Variants in CACNA1C observed in about 807,000 individuals in gnomAD.
CACNA1C encodes calcium voltage-gated channel subunit alpha1 C, also known as voltage-dependent L-type calcium channel subunit alpha-1C.
A neutral mutation model predicts 229.0 loss-of-function variants in CACNA1C; 30 were observed. The ratio of observed to expected loss-of-function variants is 0.13; its 90% CI spans 0.10 to 0.18. The LOEUF is 0.18. Among genes scored for constraint, CACNA1C ranks in the 10% least tolerant of loss-of-function variants. The pLI, the probability that CACNA1C is intolerant of heterozygous loss-of-function variation, is 1.00. For synonymous variants in CACNA1C, 1,114 were observed against 1,132.5 expected, an observed-to-expected ratio of 0.98 and a Z score of 0.33; for missense variants, 1,658 against 2,845.0, an observed-to-expected ratio of 0.58 and a Z score of 9.49.
intron 3 of CACNA1C, among the ~76,000 whole-genome samples, chr12:2,244,313 C>T (rs746586338): frequency 2.0e-5 from 3 of 152,188 alleles, no homozygotes; most frequent in African/African-American, 4.8e-5. Context: ...CCCAGGAATG[C>T]GGTGTTGACT....
intron 3 of CACNA1C, among the ~76,000 whole-genome samples, chr12:2,432,422 G>A (rs781021849): frequency 1.3e-5 from 2 of 152,220 alleles, no homozygotes; most frequent in African/African-American, 2.4e-5. Flanking sequence ...TGACCATCCT[G>A]ATCATCAGCC....
intron 43 of CACNA1C, among the ~76,000 whole-genome samples, chr12:2,684,126 G>T (rs780079920): frequency 1.3e-5 from 2 of 152,222 alleles, no homozygotes; most frequent in South Asian, 4.1e-4. Flanking sequence ...CACAGCATGC[G>T]GCTTCCTGGG....
chr12:2,226,963 A>C (rs1187386899), intron 3 of CACNA1C, among the ~76,000 whole-genome samples: 1 of 152,212 alleles, frequency 6.6e-6, no homozygotes, highest in African/African-American at 2.4e-5. Context: ...TAAGGTTTTC[A>C]AATATGCCTG....
intron 3 of CACNA1C, among the ~76,000 whole-genome samples, chr12:2,315,705 G>A (rs1056121510): frequency 4.6e-5 from 7 of 152,154 alleles, no homozygotes; most frequent in Non-Finnish European, 4.4e-5. Flanking sequence ...TTAATTGTAC[G>A]CACATTAAGT....
intron 3 of CACNA1C, among the ~76,000 whole-genome samples, chr12:2,328,308 A>G (rs1452164601): frequency 6.6e-6 from 1 of 152,218 alleles, no homozygotes; most frequent in Non-Finnish European, 1.5e-5. Flanking sequence ...GCTTCTGCCC[A>G]GTGAGGCTTT....
At chr12:2,391,553 G>GCAGT (rs142891638) in intron 3 of CACNA1C, among the ~76,000 whole-genome samples, 34,590 of 152,014 alleles carry the variant, frequency 0.23, 4,499 homozygotes, top group South Asian at 0.32. Flanking sequence ...TGCTGGATGA[G>GCAGT]CAGTTTTCTT....
chr12:2,014,122 G>A (rs547300537), intron 1 of CACNA1C, among the ~76,000 whole-genome samples: 8 of 152,272 alleles, frequency 5.3e-5, no homozygotes, highest in South Asian at 2.1e-4. Context: ...AGCCAGGCCC[G>A]TGTTATTAAC....
At chr12:2,522,416 AG>A (rs1049848443) in intron 9 of CACNA1C, among the ~76,000 whole-genome samples, 2 of 152,220 alleles carry the variant, frequency 1.3e-5, no homozygotes, top group African/African-American at 2.4e-5. Context: ...ATTCATACCT[AG>A]TTGGCCAAAT....
At chr12:2,033,309 C>T (rs1463032325) in intron 1 of CACNA1C, among the ~76,000 whole-genome samples, 1 of 152,170 alleles carries the variant, frequency 6.6e-6, no homozygotes, top group East Asian at 1.9e-4. Context: ...TCAAGTCCGC[C>T]CATGTGCTCG....
Position 2,306,695 on chromosome 12 carries a change from G to C in CACNA1C, c.478-142281G>C, listed in dbSNP as rs188637237. Among the ~76,000 whole-genome samples the C allele has an allele frequency of 9.8e-4, 149 of 152,190 alleles. 1 individual carries two copies. In the East Asian group the frequency reaches 0.026, roughly 26 times the overall value. On this transcript the variant is annotated intron_variant, in intron 3 of 46. Coordinates refer to ENST00000399655, the MANE Select transcript of CACNA1C (RefSeq NM_000719.7). ...CTGGATAAAATTTTCTTGTAAAAAG[G>C]GTATGTTAGTCAAAAAAAGTTTGAG...
At chr12:2,303,976 T>C (rs987915805) in intron 3 of CACNA1C, among the ~76,000 whole-genome samples, 8 of 151,912 alleles carry the variant, frequency 5.3e-5, no homozygotes, top group Non-Finnish European at 5.9e-5. Flanking sequence ...TGGTGTGGAG[T>C]GGTGGAGAGA....
At chr12:2,511,833 T>G (rs55851225) in intron 8 of CACNA1C, among the ~76,000 whole-genome samples, 7,733 of 152,192 alleles carry the variant, frequency 0.051, 215 homozygotes, top group South Asian at 0.11. Flanking sequence ...GTGTCAGAAA[T>G]TTTTCAATAG....
At chr12:2,634,458 A>G in intron 30 of CACNA1C, 78 bp downstream of exon 30, 1 of 543,410 alleles carries the variant, frequency 1.8e-6, no homozygotes, top group Non-Finnish European at 3.0e-6. Flanking sequence ...TGTTTCCTTC[A>G]TTTTATTTTC....
chr12:2,239,848 C>T (rs1279145842), intron 3 of CACNA1C, among the ~76,000 whole-genome samples: 1 of 152,134 alleles, frequency 6.6e-6, no homozygotes, highest in Non-Finnish European at 1.5e-5. Context: ...TGAGGATGCC[C>T]AGACAAGGGG....
chr12:2,027,736 A>G (rs2047575211), intron 1 of CACNA1C, among the ~76,000 whole-genome samples: 1 of 152,200 alleles, frequency 6.6e-6, no homozygotes, highest in East Asian at 1.9e-4. Context: ...TTTTTGTCCA[A>G]TTATTCATTG....
At chr12:2,277,919 A>G in intron 3 of CACNA1C, among the ~76,000 whole-genome samples, 1 of 152,198 alleles carries the variant, frequency 6.6e-6, no homozygotes, top group Non-Finnish European at 1.5e-5. Flanking sequence ...AGATGGAGAA[A>G]CTGCCTCCAG....
rs145141965 is a variant in CACNA1C, at chr12:2,446,768, G to T, written c.478-2208G>T. Among the ~76,000 whole-genome samples the T allele has an allele frequency of 3.8e-3, 584 of 151,808 alleles. 7 individuals are homozygous for T. Among genetic ancestry groups the T allele is most frequent in the African/African-American group, 0.014 (564 of 41,390 alleles). Reference sequence around the variant, plus strand: ...GAATGGATGAGTAGTGAGTGGGTGGGTGGGTGAATGGATGAATGGATGGGT... The same window carrying T: ...GAATGGATGAGTAGTGAGTGGGTGGTTGGGTGAATGGATGAATGGATGGGT... On this transcript the variant is annotated intron_variant, in intron 3 of 46. Coordinates refer to ENST00000399655, the MANE Select transcript of CACNA1C (RefSeq NM_000719.7).
intron 3 of CACNA1C, among the ~76,000 whole-genome samples, chr12:2,183,555 T>C (rs1020838901): frequency 5.3e-5 from 8 of 151,506 alleles, no homozygotes; most frequent in African/African-American, 2.0e-4. Flanking sequence ...AAAAGTTGTC[T>C]GCGTCTTTTT....
Position 2,195,783 on chromosome 12 carries a change from C to T in CACNA1C, c.477+75353C>T, listed in dbSNP as rs573083303. Among the ~76,000 whole-genome samples, 8 of 152,188 alleles carry T rather than the reference C, an allele frequency of 5.3e-5. No individual in the cohort carries two copies. The South Asian group carries it at 6.2e-4, about 12-fold the overall frequency. ...TGCTTAGGATAGGGAATGTCGAAAC[C>T]GGGAAGGGGCTTCCCCTCAGCCCCA... is the stretch of plus-strand genomic sequence containing the variant. On this transcript the variant is annotated intron_variant, in intron 3 of 46. Transcript: ENST00000399655.
Sources: allele counts gnomAD v4.1 joint callset (sites outside exome capture counted in the v4.1 genomes callset), GRCh38; gene constraint gnomAD v4.1.1; transcripts MANE v1.5; gene names NCBI Gene and HGNC (gene_info 2026-07-23, HGNC 2026-07-21).